The following SMARCA1 variants were observed in gnomAD, a reference collection of about 807,000 sequenced individuals.
SMARCA1 encodes the protein SWI/SNF-related matrix-associated actin-dependent regulator of chromatin subfamily A member 1.
In SMARCA1, 17 loss-of-function variants were observed where a neutral mutation model predicts 93.6. The ratio of observed to expected loss-of-function variants is 0.18; its 90% CI spans 0.12 to 0.27. The LOEUF is 0.27. SMARCA1 is among the 10% of genes least tolerant of loss of function. The pLI, the probability that SMARCA1 is intolerant of heterozygous loss-of-function variation, is 1.00. For synonymous variants in SMARCA1, 271 were observed against 271.4 expected (o/e 1.00, Z 0.01); for missense variants, 630 against 819.0 (o/e 0.77, Z 2.82).
chrX:129,521,445 C>T (rs1395985851), intron 1 of SMARCA1, among the ~76,000 whole-genome samples: 2 of 111,912 alleles, frequency 1.8e-5, no homozygotes, highest in African/African-American at 6.5e-5. Context: ...CATACAGCAC[C>T]TCATTTCCCT....
intron 1 of SMARCA1, among the ~76,000 whole-genome samples, chrX:129,520,242 T>C (rs1935341160): frequency 9.1e-6 from 1 of 109,426 alleles, no homozygotes; most frequent in South Asian, 4.0e-4. Flanking sequence ...ATGAATTCCT[T>C]TGGATTTTGT....
rs780225300 is a variant in SMARCA1, at chrX:129,504,549, T to TAAAAAAAAAAAAAA, written c.1167+171_1167+184dup. ...GAGAGAGGCTGAGGACATAGAGGAA[T>TAAAAAAAAAAAAAA]AAAAAAAAAAAAAAAAAAAAAAAAA... On this transcript the variant is annotated intron_variant, in intron 9 of 24. Transcript: ENST00000371121. Among the ~76,000 whole-genome samples, 15 of 24,203 alleles carry TAAAAAAAAAAAAAA rather than the reference T, an allele frequency of 6.2e-4. 2 individuals are homozygous for TAAAAAAAAAAAAAA. The highest frequency in any genetic ancestry group is 2.0e-3 in the African/African-American group (14 of 7,005). 21.0% of individuals were successfully genotyped at this position (24,203 alleles called of 115,157 possible).
intron 9 of SMARCA1, among the ~76,000 whole-genome samples, chrX:129,503,925 G>A (rs1263168069): frequency 1.0e-5 from 1 of 98,727 alleles, no homozygotes; most frequent in Non-Finnish European, 2.0e-5. Context: ...TCATGCCACT[G>A]AACTCCAGCA....
chrX:129,449,634 T>C (rs1323351295), intron 23 of SMARCA1, among the ~76,000 whole-genome samples: 1 of 112,276 alleles, frequency 8.9e-6, no homozygotes, highest in Non-Finnish European at 1.9e-5. Flanking sequence ...TATACTTTGC[T>C]ATATTTTAAA....
chrX:129,498,757 C>G (rs1452791869), intron 10 of SMARCA1, among the ~76,000 whole-genome samples: 1 of 111,667 alleles, frequency 9.0e-6, no homozygotes, highest in Non-Finnish European at 1.9e-5. Flanking sequence ...AAAGAATATA[C>G]TCTTAATCTC....
chrX:129,472,764 T>G (rs551677347), intron 19 of SMARCA1, among the ~76,000 whole-genome samples: 1 of 112,309 alleles, frequency 8.9e-6, no homozygotes, highest in South Asian at 3.7e-4. Context: ...TGCATTATAC[T>G]TATCTGTTGA....
At position 129,492,017 on chromosome X, in the gene SMARCA1, C is replaced by G; in HGVS notation, c.1739G>C (p.Gly580Ala). 3 of 1,188,932 alleles carry G rather than the reference C, an allele frequency of 2.5e-6. No homozygotes were observed. The highest frequency in any genetic ancestry group is 3.4e-6 in the Non-Finnish European group (3 of 875,363). Residue 580 changes from glycine to alanine, a missense_variant, in exon 14 of 25, where the codon GGA (glycine) becomes GCA (alanine). Physicochemically the swap from Gly to Ala is moderately conservative, Grantham distance 60. Transcript: ENST00000371121. ...FMLSTRAGGL[G>A]INLASADVVI... is the part of the protein sequence containing the mutation. ...CACATCAGCACTTGCCAGGTTAATT[C>G]CGAGACCTCCAGCCCTGGTACTTAG...
intron 17 of SMARCA1, among the ~76,000 whole-genome samples, chrX:129,483,301 C>G (rs1349722779): frequency 9.0e-6 from 1 of 111,527 alleles, no homozygotes; most frequent in Non-Finnish European, 1.9e-5. Context: ...GATAAGATTC[C>G]CAACACTACA....
chrX:129,462,626 A>C (rs959154197), intron 23 of SMARCA1, among the ~76,000 whole-genome samples: 1 of 111,892 alleles, frequency 8.9e-6, no homozygotes, highest in Non-Finnish European at 1.9e-5. Context: ...AAAAAGTAAT[A>C]AATAAAACTT....
chrX:129,468,109 T>C (rs1472049263), intron 21 of SMARCA1, among the ~76,000 whole-genome samples: 2 of 112,790 alleles, frequency 1.8e-5, no homozygotes, highest in Non-Finnish European at 3.7e-5. Flanking sequence ...TACTTTGCCC[T>C]ACACGCTTCA....
intron 5 of SMARCA1, among the ~76,000 whole-genome samples, chrX:129,514,214 G>A (rs1359245081): frequency 1.8e-5 from 2 of 111,807 alleles, no homozygotes; most frequent in East Asian, 5.6e-4. Flanking sequence ...CTACTCGGGA[G>A]GCTGAGGCAG....
intron 1 of SMARCA1, among the ~76,000 whole-genome samples, chrX:129,521,168 G>A (rs1248743785): frequency 1.8e-5 from 2 of 111,565 alleles, no homozygotes; most frequent in Admixed American, 9.4e-5. Context: ...TTACAGGCGC[G>A]AGCCACCGCG....
At chrX:129,476,668 G>A (rs776245108) in intron 19 of SMARCA1, among the ~76,000 whole-genome samples, 7 of 111,973 alleles carry the variant, frequency 6.3e-5, no homozygotes, top group African/African-American at 9.7e-5. Context: ...AGAATACCAG[G>A]TAACTCCACT....
intron 5 of SMARCA1, among the ~76,000 whole-genome samples, chrX:129,514,918 C>CA (rs1474342376): frequency 9.0e-6 from 1 of 110,997 alleles, no homozygotes; most frequent in African/African-American, 3.3e-5. Flanking sequence ...GACGTGGTGG[C>CA]AGGCGCCTGT....
chrX:129,474,947 A>G (rs1302416180), intron 19 of SMARCA1, among the ~76,000 whole-genome samples: 3 of 110,695 alleles, frequency 2.7e-5, no homozygotes, highest in African/African-American at 9.9e-5. Flanking sequence ...CTTCCCTTCT[A>G]ACATGGAGGA....
intron 17 of SMARCA1, among the ~76,000 whole-genome samples, chrX:129,482,344 A>T (rs996325601): frequency 8.1e-5 from 9 of 111,506 alleles, no homozygotes; most frequent in East Asian, 2.8e-4. Flanking sequence ...AAAAAAATTT[A>T]AAAAAGAAGA....
intron 5 of SMARCA1, among the ~76,000 whole-genome samples, chrX:129,513,123 T>C (rs761195602): frequency 8.9e-5 from 10 of 112,394 alleles, no homozygotes; most frequent in Middle Eastern, 4.6e-3. Flanking sequence ...GCCAAAATGT[T>C]AGCTGTGGTT....
intron 9 of SMARCA1, among the ~76,000 whole-genome samples, chrX:129,503,129 T>C (rs754638559): frequency 1.2e-4 from 14 of 112,110 alleles, no homozygotes; most frequent in Non-Finnish European, 2.1e-4. Context: ...GGGCAGGAGA[T>C]ACCTGGGATA....
intron 23 of SMARCA1, among the ~76,000 whole-genome samples, chrX:129,457,136 G>A (rs150283174): frequency 4.0e-4 from 45 of 112,305 alleles, no homozygotes; most frequent in African/African-American, 1.4e-3. Context: ...AATTCACACT[G>A]AGGCAAGACC....
Sources: allele counts gnomAD v4.1 joint callset (sites outside exome capture counted in the v4.1 genomes callset), GRCh38; gene constraint gnomAD v4.1.1; transcripts MANE v1.5; gene names NCBI Gene and HGNC (gene_info 2026-07-23, HGNC 2026-07-21).